The following SLC11A2 variants were observed in gnomAD, a reference collection of about 807,000 sequenced individuals.
The protein encoded by SLC11A2 is natural resistance-associated macrophage protein 2.
A neutral mutation model predicts 68.0 loss-of-function variants in SLC11A2; 38 were observed. The ratio of observed to expected loss-of-function variants is 0.56; its 90% confidence interval spans 0.43 to 0.73. SLC11A2 has a LOEUF of 0.73. Ranked by LOEUF, SLC11A2 falls within the 30% of genes least tolerant of loss-of-function variation. The pLI, the probability that SLC11A2 is intolerant of heterozygous loss-of-function variation, is 0.00. For missense variants in SLC11A2, 517 were observed against 690.5 expected (o/e 0.75, Z 2.82); for synonymous variants, 242 against 250.6 (o/e 0.97, Z 0.32).
At chr12:51,006,726 C>G (rs1226123155) in intron 3 of SLC11A2, among the ~76,000 whole-genome samples, 1 of 152,074 alleles carries the variant, frequency 6.6e-6, no homozygotes, top group Non-Finnish European at 1.5e-5. Context: ...CATTTTAGAC[C>G]AGGTCTTTAG....
rs1204068466 is a variant in SLC11A2, at chr12:51,008,247, T to C, written c.183+229A>G. 1.2e-3 allele frequency: 516 copies of C among 432,644 alleles called. 6 individuals carry two copies. Among genetic ancestry groups the C allele is most frequent in the Non-Finnish European group, 1.5e-3 (354 of 238,470 alleles). 26.8% of individuals were successfully genotyped at this position (432,644 alleles called of 1,614,324 possible). Reference sequence around the variant, plus strand: ...ACAGATAGATAGATAGATAGATAGATAGATAGATAGATAGACGGACAGACA... The same window carrying C: ...ACAGATAGATAGATAGATAGATAGACAGATAGATAGATAGACGGACAGACA... On this transcript the variant is annotated intron_variant, in intron 3 of 15. Transcript: ENST00000262052.
chr12:50,992,252 A>G lies in SLC11A2; in HGVS notation c.1285T>C (p.Phe429Leu). 2 of 1,614,100 alleles carry G rather than the reference A, an allele frequency of 1.2e-6. No homozygotes were observed. Among genetic ancestry groups the G allele is most frequent in the South Asian group, 1.1e-5 (1 of 91,084 alleles). ...CCTGTTAGATGCTCTACATCTTGGA[A>G]GACAGCAACAAGCAGAGTGGGGATG... is the stretch of plus-strand genomic sequence containing the variant. ...AIIPTLLVAV[F>L]QDVEHLTGMN... is the part of the protein sequence containing the mutation. Residue 429 changes from phenylalanine to leucine, a missense_variant, in exon 13 of 16, where the codon TTC becomes CTC. Physicochemically the swap from Phe to Leu is conservative, Grantham distance 22. Coordinates refer to ENST00000262052, the MANE Select transcript of SLC11A2 (RefSeq NM_000617.3).
chr12:51,003,233 T>TCAAA (rs768941259), intron 5 of SLC11A2, among the ~76,000 whole-genome samples: 1 of 150,890 alleles, frequency 6.6e-6, no homozygotes, highest in Non-Finnish European at 1.5e-5. Flanking sequence ...AAACTCCGTC[T>TCAAA]CAAACAAACA....
At chr12:50,994,230 AG>A (rs2136205785) in intron 11 of SLC11A2, among the ~76,000 whole-genome samples, 1 of 152,096 alleles carries the variant, frequency 6.6e-6, no homozygotes, top group South Asian at 2.1e-4. Flanking sequence ...TGTTTTTAGT[AG>A]AGACAGGGTT....
chr12:50,996,983 A>G lies in SLC11A2; in HGVS notation c.676-11T>C. The G allele has an allele frequency of 6.2e-7, 1 of 1,612,974 alleles. No individual in the cohort carries two copies. Among genetic ancestry groups the G allele is most frequent in the Admixed American group, 1.7e-5 (1 of 60,012 alleles). ...TTTCACTGTAACATACTACATACCA[A>G]CATAACAATGATTAGCCTTTACAGG... is the stretch of plus-strand genomic sequence containing the variant. On this transcript the variant is annotated splice_polypyrimidine_tract_variant and intron_variant, in intron 8 of 15. Coordinates refer to ENST00000262052, the MANE Select transcript of SLC11A2 (RefSeq NM_000617.3).
the SLC11A2 span, among the ~76,000 whole-genome samples, chr12:50,968,400 T>G: frequency 0.025 from 3,745 of 151,728 alleles, 81 homozygotes; most frequent in Admixed American, 0.054. Flanking sequence ...TGTGTGTGTG[T>G]GGGGGGAGAC....
Position 50,986,573 on chromosome 12 carries a change from T to TC in SLC11A2, c.*1751_*1752insG. The TC allele has an allele frequency of 8.7e-7, 1 of 1,154,322 alleles. No homozygotes were observed. 71.5% of individuals were successfully genotyped at this position (1,154,322 alleles called of 1,614,324 possible). On this transcript the variant is annotated 3_prime_UTR_variant, in exon 16 of 16. Coordinates refer to ENST00000262052, the MANE Select transcript of SLC11A2 (RefSeq NM_000617.3). ...GTTACCATATCATCTTTATAAAGAA[T>TC]TTTTTTTTTGTCGTCAGTTTGGCCT...
At chr12:50,985,918 AT>A (rs11366676), downstream of SLC11A2, 1,010,755 of 1,086,060 alleles carry the variant, frequency 0.93, 471,314 homozygotes, top group East Asian at 0.98. Flanking sequence ...CTGTTTCAGT[AT>A]TTTTTGTATC....
chr12:50,953,818 G>T, the SLC11A2 span: 1 of 526,502 alleles, frequency 1.9e-6, no homozygotes. Flanking sequence ...CCTGCAAAAT[G>T]AAAAAATTCG....
chr12:50,961,104 T>C, the SLC11A2 span: 2 of 1,613,668 alleles, frequency 1.2e-6, no homozygotes, highest in Non-Finnish European at 8.5e-7. Flanking sequence ...TGACTCTAGG[T>C]AACCCGCTTA....
chr12:50,979,993 A>C (rs1227616871), downstream of SLC11A2: 1 of 452,764 alleles, frequency 2.2e-6, no homozygotes, highest in Non-Finnish European at 4.4e-6. Context: ...TGGGAGGCCA[A>C]GGCCAGCAGA....
At chr12:51,004,749 G>A (rs781394737) in intron 5 of SLC11A2, 39 bp downstream of exon 5, 11 of 1,610,446 alleles carry the variant, frequency 6.8e-6, no homozygotes, top group Non-Finnish European at 5.9e-6. Flanking sequence ...AGATTCCTAT[G>A]GCATGGGTGA....
the SLC11A2 span, among the ~76,000 whole-genome samples, chr12:50,971,685 C>T: frequency 6.6e-6 from 1 of 152,092 alleles, no homozygotes; most frequent in Non-Finnish European, 1.5e-5. Flanking sequence ...CCAAAGACTC[C>T]AAGCCTAGGA....
intron 15 of SLC11A2, among the ~76,000 whole-genome samples, chr12:50,989,193 C>T (rs567866821): frequency 6.6e-6 from 1 of 152,222 alleles, no homozygotes; most frequent in African/African-American, 2.4e-5. Flanking sequence ...CCTCTCCTCT[C>T]AAAATGGGTC....
chr12:51,005,980 A>C, intron 3 of SLC11A2: 1 of 293,176 alleles, frequency 3.4e-6, no homozygotes. Flanking sequence ...TGGAATTCAG[A>C]CACAAATGAC....
At chr12:50,993,213 G>C (rs975260264) in intron 11 of SLC11A2, 1 of 352,240 alleles carries the variant, frequency 2.8e-6, no homozygotes, top group South Asian at 3.2e-5. Flanking sequence ...AAAAAAAAAA[G>C]AGGTCTACAC....
downstream of SLC11A2, chr12:50,980,247 C>A: frequency 4.4e-6 from 1 of 228,674 alleles, no homozygotes; most frequent in Non-Finnish European, 8.9e-6. Flanking sequence ...ACGCTGGGTG[C>A]AGTGGCTCAC....
chr12:51,005,093 C>T (rs1942606817), intron 4 of SLC11A2, among the ~76,000 whole-genome samples, 186 bp from the exon 5 acceptor site: 1 of 152,214 alleles, frequency 6.6e-6, no homozygotes, highest in African/African-American at 2.4e-5. Flanking sequence ...TTGTACCTTT[C>T]TGAGCCTCAG....
At chr12:50,991,061 T>A in intron 14 of SLC11A2, 113 bp from the exon 15 acceptor site, 1 of 968,266 alleles carries the variant, frequency 1.0e-6, no homozygotes, top group Non-Finnish European at 1.6e-6. Context: ...AAATTGTTCT[T>A]AATTTGAAAA....
Sources: allele counts gnomAD v4.1 joint callset (sites outside exome capture counted in the v4.1 genomes callset), GRCh38; gene constraint gnomAD v4.1.1; transcripts MANE v1.5; gene names NCBI Gene and HGNC (gene_info 2026-07-23, HGNC 2026-07-21).